Variants in GRIN3B observed in about 807,000 individuals in gnomAD.
The protein encoded by GRIN3B is glutamate receptor ionotropic, NMDA 3B.
In GRIN3B, 77 loss-of-function variants were observed where a neutral mutation model predicts 66.0. The observed-to-expected ratio is 1.17, with a 90% CI of 0.97 to 1.41. The LOEUF (loss-of-function observed/expected upper bound fraction) is 1.41, where lower values mean the gene tolerates loss of function less well. GRIN3B is among the 40% of genes most tolerant of loss of function. The probability of loss-of-function intolerance (pLI) is 0.00; values close to 1 mark genes in which losing one functional copy is unlikely to be tolerated. For synonymous variants in GRIN3B, 823 were observed against 749.7 expected (o/e 1.10, Z -1.60); for missense variants, 1,787 against 1,564.5 (o/e 1.14, Z -2.40).
chr19:1,006,038 G>A (rs1169155286), intron 3 of GRIN3B, among the ~76,000 whole-genome samples: 2 of 152,190 alleles, frequency 1.3e-5, no homozygotes, highest in African/African-American at 4.8e-5. Flanking sequence ...ACACAGAGAT[G>A]GGGGGCTGGC....
At chr19:1,001,959 G>T (rs2038688506) in intron 1 of GRIN3B, 2 of 152,466 alleles carry the variant, frequency 1.3e-5, no homozygotes, top group South Asian at 4.2e-4. Context: ...CCAGCACTGG[G>T]CACCCTGCTT....
chr19:1,008,239 A>G lies in GRIN3B; in HGVS notation c.2414A>G (p.Asp805Gly), dbSNP rs1336758597. ...KSSGFIDLLH[D>G]KWYKMVPCGK... ...TCCGGCTTCATCGACCTGCTCCACG[A>G]CAAGTGGTACAAGATGGTGCCTTGC... is the stretch of plus-strand genomic sequence containing the variant. Residue 805 changes from aspartate to glycine, a missense_variant, in exon 6 of 9, where the codon GAC becomes GGC. Coordinates refer to ENST00000234389, the MANE Select transcript of GRIN3B (RefSeq NM_138690.3). The G allele has an allele frequency of 1.4e-5, 22 of 1,601,780 alleles. No individual in the cohort carries two copies. The Admixed American group carries it at 1.7e-4, about 12-fold the overall frequency.
intron 5 of GRIN3B, 40 bp downstream of exon 5, chr19:1,008,011 G>A: frequency 6.3e-7 from 1 of 1,598,536 alleles, no homozygotes; most frequent in Non-Finnish European, 8.6e-7. Flanking sequence ...CGGGGTCTCT[G>A]GGGACCTCCT....
Position 1,000,567 on chromosome 19 carries a change from C to T in GRIN3B, c.130C>T (p.Pro44Ser), listed in dbSNP as rs1037006531. 1.7e-3 allele frequency: 1,759 copies of T among 1,058,698 alleles called. 5 individuals are homozygous for T. Among genetic ancestry groups the T allele is most frequent in the Non-Finnish European group, 1.9e-3 (1,642 of 879,786 alleles). 65.6% of individuals were successfully genotyped at this position (1,058,698 alleles called of 1,614,324 possible). The stretch of plus-strand genomic sequence containing the variant: ...CTCCGTGCGCCTGGGCGCCCTCCTG[C>T]CCCGCGCGCCTCTCGCCCGCGCCCG... ...GGSVRLGALL[P>S]RAPLARARAR... The change falls in exon 1 of 9, where the codon CCC (proline) becomes TCC (serine). Residue 44 changes from proline (P) to serine (S), a missense_variant. Pro to Ser is a moderately conservative substitution (Grantham distance 74, BLOSUM62 -1). Coordinates refer to ENST00000234389, the MANE Select transcript of GRIN3B (RefSeq NM_138690.3).
chr19:1,003,452 A>G lies in GRIN3B; in HGVS notation c.749A>G (p.Glu250Gly). The G allele has an allele frequency of 6.5e-7, 1 of 1,539,558 alleles. No homozygotes were observed. Among genetic ancestry groups the G allele is most frequent in the South Asian group, 1.2e-5 (1 of 84,238 alleles). ...CDIARARRVL[E>G]AVPPGPHWLL... Reference sequence around the variant, plus strand: ...ATCGCCCGTGCCCGTCGGGTGCTGGAGGCCGTACCTCCCGGCCCCCACTGG... The same window carrying G: ...ATCGCCCGTGCCCGTCGGGTGCTGGGGGCCGTACCTCCCGGCCCCCACTGG... Residue 250 changes from glutamate to glycine, a missense_variant, in exon 2 of 9, where the codon GAG becomes GGG. Glu to Gly is a moderately conservative substitution (Grantham distance 98). Transcript: ENST00000234389.
At position 1,003,366 on chromosome 19, in the gene GRIN3B, G is replaced by C. The variant is rs374377809; in HGVS notation, c.663G>C (p.Pro221=). Residue 221 remains proline (P), a synonymous_variant, in exon 2 of 9, where the codon CCG becomes CCC. Coordinates refer to ENST00000234389, the MANE Select transcript of GRIN3B (RefSeq NM_138690.3). ...GDAGLRARLA[P]MAAPVGGEAP... ...CAGGACTGCGGGCACGCCTGGCCCCGATGGCGGCGCCAGTGGGGGGTGAAG... is the reference window on the plus strand; with the variant it reads ...CAGGACTGCGGGCACGCCTGGCCCCCATGGCGGCGCCAGTGGGGGGTGAAG... 6.4e-7 allele frequency: 1 copy of C among 1,573,404 alleles called. No individual in the cohort carries two copies. Among genetic ancestry groups the C allele is most frequent in the Non-Finnish European group, 8.6e-7 (1 of 1,164,488 alleles).
At chr19:1,002,233 A>G (rs2038690834) in intron 1 of GRIN3B, 1 of 151,686 alleles carries the variant, frequency 6.6e-6, no homozygotes, top group African/African-American at 2.4e-5. Context: ...GGATATATAT[A>G]TATTGGCTGG....
chr19:1,007,871 G>A lies in GRIN3B; in HGVS notation c.2214G>A (p.Lys738=), dbSNP rs756309853. The A allele has an allele frequency of 2.6e-5, 42 of 1,609,088 alleles. 1 individual carries two copies. In the South Asian group the frequency reaches 4.3e-4, roughly 16 times the overall value. The change falls in exon 5 of 9, where the codon AAG becomes AAA. Residue 738 remains lysine (K), a synonymous_variant. Transcript: ENST00000234389. This position sits in a 1 kb window ranked among gnomAD's most constrained non-coding sequence, Gnocchi z 4.4. ...GVAMLTSDPP[K]LNAFIMDKSL... ...GCCCCAGCAGGAGCGACCCCCCCAA[G>A]CTCAACGCCTTCATCATGGACAAGT...
Position 1,005,156 on chromosome 19 carries a change from G to C in GRIN3B, c.1655G>C (p.Ser552Thr). The C allele has an allele frequency of 6.2e-7, 1 of 1,613,474 alleles. No individual in the cohort carries two copies. ...VDFTSPFFST[S>T]LGIMVRARDT... is the part of the protein sequence containing the mutation. ...TTCACCAGCCCCTTCTTCTCCACCA[G>C]CCTGGGCATCATGGTGCGGGCACGG... The change falls in exon 3 of 9, where the codon AGC (serine) becomes ACC (threonine). Residue 552 changes from serine (S) to threonine (T), a missense_variant. Transcript: ENST00000234389. This position sits in a 1 kb window ranked among gnomAD's most constrained non-coding sequence, Gnocchi z 5.2.
Position 1,007,705 on chromosome 19 carries a change from C to A in GRIN3B, c.2130C>A (p.Phe710Leu). 1.3e-6 allele frequency: 2 copies of A among 1,537,348 alleles called. No individual in the cohort carries two copies. Among genetic ancestry groups the A allele is most frequent in the Non-Finnish European group, 1.7e-6 (2 of 1,142,870 alleles). Residue 710 changes from phenylalanine (F) to leucine (L), a missense_variant, in exon 4 of 9, where the codon TTC (phenylalanine) becomes TTA (leucine). Phe to Leu is a conservative substitution (Grantham distance 22). Transcript: ENST00000234389. This position sits in a 1 kb window ranked among gnomAD's most constrained non-coding sequence, Gnocchi z 4.4. ...SSAEAYIKKS[F>L]PDMHAHMRRH... ...CCGAGGCGTACATCAAGAAGAGCTT[C>A]CCCGACATGCACGCACACATGCGGC...
chr19:1,007,999 G>C lies in GRIN3B; in HGVS notation c.2314+28G>C. 6.2e-7 allele frequency: 1 copy of C among 1,604,578 alleles called. No individual in the cohort carries two copies. The highest frequency in any genetic ancestry group is 8.5e-7 in the Non-Finnish European group (1 of 1,173,394). On this transcript the variant is annotated intron_variant, in intron 5 of 8. Coordinates refer to ENST00000234389, the MANE Select transcript of GRIN3B (RefSeq NM_138690.3). The surrounding 1 kb of genome is among the most constrained non-coding windows in gnomAD (Gnocchi z 4.4). ...GAGAGGCACCTGGGCGAGGCGGGGC[G>C]CCGGGGTCTCTGGGGACCTCCTGGG... is the stretch of plus-strand genomic sequence containing the variant.
At position 1,007,612 on chromosome 19, in the gene GRIN3B, G is replaced by A. The variant is rs920076743; in HGVS notation, c.2053-16G>A. ...CTGAGGGGCAGGCAGAGGCGCTGAC[G>A]GGGTCCCCCGCGCAGCTGCACCACC... On this transcript the variant is annotated splice_polypyrimidine_tract_variant and intron_variant, in intron 3 of 8. Transcript: ENST00000234389. This position sits in a 1 kb window ranked among gnomAD's most constrained non-coding sequence, Gnocchi z 4.4. 19 of 1,480,918 alleles carry A rather than the reference G, an allele frequency of 1.3e-5. No individual in the cohort carries two copies. Among genetic ancestry groups the A allele is most frequent in the African/African-American group, 2.9e-5 (2 of 69,316 alleles). The allele number at this position is 1,480,918 out of a possible 1,614,324, so 91.7% of individuals were successfully genotyped here.
Position 1,009,384 on chromosome 19 carries a change from G to GC in GRIN3B, c.2915dup (p.Arg973LysfsTer23). 1 of 1,387,596 alleles carries GC rather than the reference G, an allele frequency of 7.2e-7. No homozygotes were observed. The highest frequency in any genetic ancestry group is 3.1e-5 in the East Asian group (1 of 31,782). 86.0% of individuals were successfully genotyped at this position (1,387,596 alleles called of 1,614,324 possible). On this transcript the variant is annotated frameshift_variant, in exon 9 of 9. Transcript: ENST00000234389. LOFTEE classifies it low-confidence loss of function (END_TRUNC). ...GTGCTCCTACGGCCGCCCGCCCGCC[G>GC]CAAGGCCCACGGGGGCCCCCCAGCC...
chr19:1,009,559 CGG>C lies in GRIN3B; in HGVS notation c.3090_3091del (p.Glu1031GlyfsTer49). 2.2e-6 allele frequency: 2 copies of C among 896,394 alleles called. No individual in the cohort carries two copies. The highest frequency in any genetic ancestry group is 3.0e-6 in the Non-Finnish European group (2 of 662,542). 55.5% of individuals were successfully genotyped at this position (896,394 alleles called of 1,614,324 possible). ...TTGCTTCAGGCCAGAGCGGCCCCCG[CGG>C]AGGCCCCACCACACTCTGGCCGACC... On this transcript the variant is annotated frameshift_variant, in exon 9 of 9. Coordinates refer to ENST00000234389, the MANE Select transcript of GRIN3B (RefSeq NM_138690.3). LOFTEE classifies it low-confidence loss of function (END_TRUNC).
rs766019318 is a variant in GRIN3B at position 1,005,115 on chromosome 19, C to T, written c.1614C>T (p.Arg538=). The T allele has an allele frequency of 3.1e-6, 5 of 1,613,142 alleles. No individual in the cohort carries two copies. The South Asian group carries it at 5.5e-5, about 18-fold the overall frequency. The change falls in exon 3 of 9, where the codon CGC becomes CGT. Residue 538 remains arginine (R), a synonymous_variant. Coordinates refer to ENST00000234389, the MANE Select transcript of GRIN3B (RefSeq NM_138690.3). The surrounding 1 kb of genome is among the most constrained non-coding windows in gnomAD (Gnocchi z 5.2). ...CCAGCTTCAGTATCAACTCCGCCCG[C>T]TCACAGGTGGTGGACTTCACCAGCC... ...AVTSFSINSA[R]SQVVDFTSPF...
rs2145532850 is a variant in GRIN3B, at chr19:1,003,488, C to T, written c.785C>T (p.Thr262Ile). 2 of 1,537,310 alleles carry T rather than the reference C, an allele frequency of 1.3e-6. No homozygotes were observed. The highest frequency in any genetic ancestry group is 2.4e-5 in the East Asian group (1 of 40,980). ...CCCGGCCCCCACTGGCTGTTGGGGA[C>T]ACCACTGCCGCCCAAGGCCCTGCCC... ...VPPGPHWLLG[T>I]PLPPKALPTA... is the part of the protein sequence containing the mutation. The change falls in exon 2 of 9, where the codon ACA becomes ATA. Residue 262 changes from threonine to isoleucine, a missense_variant. By Grantham distance (89) the Thr-to-Ile change is moderately conservative. Coordinates refer to ENST00000234389, the MANE Select transcript of GRIN3B (RefSeq NM_138690.3).
At chr19:1,008,589 G>C in intron 6 of GRIN3B, 29 bp from the exon 7 acceptor site, 1 of 1,585,956 alleles carries the variant, frequency 6.3e-7, no homozygotes, top group Non-Finnish European at 8.5e-7. Flanking sequence ...TTACGTGACC[G>C]TGCGGGGCTC....
chr19:1,004,567 G>T lies in GRIN3B; in HGVS notation c.1066G>T (p.Val356Leu). 1 of 1,609,840 alleles carries T rather than the reference G, an allele frequency of 6.2e-7. No homozygotes were observed. Among genetic ancestry groups the T allele is most frequent in the South Asian group, 1.1e-5 (1 of 90,550 alleles). ...CCAGGGCCGCACGGGCCCCGTGTGGGTGACAGGCAGCTCCCAGGTACACAT... is the reference window on the plus strand; with the variant it reads ...CCAGGGCCGCACGGGCCCCGTGTGGTTGACAGGCAGCTCCCAGGTACACAT... ...SFQGRTGPVW[V>L]TGSSQVHMSR... Residue 356 changes from valine to leucine, a missense_variant, in exon 3 of 9, where the codon GTG becomes TTG. Coordinates refer to ENST00000234389, the MANE Select transcript of GRIN3B (RefSeq NM_138690.3).
chr19:1,007,691 A>G lies in GRIN3B; in HGVS notation c.2116A>G (p.Ile706Val), dbSNP rs150675081. 557 of 1,537,438 alleles carry G rather than the reference A, an allele frequency of 3.6e-4. 6 individuals are homozygous for G. The East Asian group carries it at 0.014, about 38-fold the overall frequency. The change falls in exon 4 of 9, where the codon ATC becomes GTC. Residue 706 changes from isoleucine (I) to valine (V), a missense_variant. Coordinates refer to ENST00000234389, the MANE Select transcript of GRIN3B (RefSeq NM_138690.3). This position sits in a 1 kb window ranked among gnomAD's most constrained non-coding sequence, Gnocchi z 4.4. Reference sequence around the variant, plus strand: ...GTGGGAGAGCAGCGCCGAGGCGTACATCAAGAAGAGCTTCCCCGACATGCA... The same window carrying G: ...GTGGGAGAGCAGCGCCGAGGCGTACGTCAAGAAGAGCTTCCCCGACATGCA... ...TVWESSAEAY[I>V]KKSFPDMHAH...
Sources: gnomAD v4.1 joint callset for allele counts (sites outside exome capture counted in the v4.1 genomes callset) on GRCh38, gnomAD v4.1.1 for gene constraint, Gnocchi (gnomAD v3.1) non-coding constraint, MANE v1.5 for transcripts, NCBI Gene and HGNC (gene_info 2026-07-23, HGNC 2026-07-21) for gene names.